The following CSMD1 variants were observed in gnomAD, a reference collection of about 807,000 sequenced individuals.
CSMD1 encodes the protein CUB and Sushi multiple domains 1, also known as CUB and sushi domain-containing protein 1.
Under a neutral mutation model 417.5 loss-of-function variants are expected in CSMD1, and 213 were observed. The observed-to-expected ratio is 0.51, with a 90% CI of 0.46 to 0.57. The LOEUF is 0.57. Among genes scored for constraint, CSMD1 ranks in the 20% least tolerant of loss-of-function variants. CSMD1 has a pLI of 0.00. For missense variants in CSMD1, 6,923 were observed against 4,529.7 expected, an observed-to-expected ratio of 1.53 and a Z score of -15.17; for synonymous variants, 2,862 against 1,736.8, an observed-to-expected ratio of 1.65 and a Z score of -16.11.
chr8:4,224,420 C>G (rs1474057772), intron 3 of CSMD1, among the ~76,000 whole-genome samples: 1 of 152,108 alleles, frequency 6.6e-6, no homozygotes, highest in African/African-American at 2.4e-5. Flanking sequence ...TTAAATACAC[C>G]TAGGAAATCT....
chr8:4,153,462 G>C (rs143930425), intron 3 of CSMD1, among the ~76,000 whole-genome samples: 1 of 152,186 alleles, frequency 6.6e-6, no homozygotes, highest in African/African-American at 2.4e-5. Context: ...AGTGGATAAG[G>C]TTCTGCAGCT....
chr8:4,384,079 G>A (rs1470737250), intron 3 of CSMD1, among the ~76,000 whole-genome samples: 1 of 152,056 alleles, frequency 6.6e-6, no homozygotes, highest in Non-Finnish European at 1.5e-5. Context: ...CGTCTCAGAT[G>A]GAATGGTGTT....
Position 4,456,791 on chromosome 8 carries a change from G to C in CSMD1, c.303-36726C>G, listed in dbSNP as rs936803494. On this transcript the variant is annotated intron_variant, in intron 2 of 69. Coordinates refer to ENST00000635120, the MANE Select transcript of CSMD1 (RefSeq NM_033225.6). ...ACCCATCTGACAACCTACGAGGTAA[G>C]CTGAAGAAGCTACCTGTGAAGGCTG... Among the ~76,000 whole-genome samples the C allele has an allele frequency of 3.3e-5, 5 of 152,150 alleles. No individual in the cohort carries two copies. In the East Asian group the frequency reaches 5.8e-4, roughly 18 times the overall value.
At chr8:3,454,041 G>C (rs1338816702) in intron 12 of CSMD1, among the ~76,000 whole-genome samples, 2 of 152,090 alleles carry the variant, frequency 1.3e-5, no homozygotes, top group Non-Finnish European at 1.5e-5. Flanking sequence ...TCTTCTTGTT[G>C]AATTGATCCC....
intron 23 of CSMD1, among the ~76,000 whole-genome samples, chr8:3,333,631 A>G (rs1807051002): frequency 6.6e-6 from 1 of 152,244 alleles, no homozygotes; most frequent in African/African-American, 2.4e-5. Context: ...TGAAATAAGT[A>G]AAAATCTGTG....
At chr8:4,965,351 A>G (rs1030760764) in intron 1 of CSMD1, among the ~76,000 whole-genome samples, 4 of 152,232 alleles carry the variant, frequency 2.6e-5, no homozygotes, top group Admixed American at 2.0e-4. Flanking sequence ...AAACCTGTTT[A>G]TTTAAAGCAG....
chr8:4,919,386 A>C (rs1020169061), intron 1 of CSMD1, among the ~76,000 whole-genome samples: 2 of 152,188 alleles, frequency 1.3e-5, no homozygotes, highest in African/African-American at 4.8e-5. Flanking sequence ...TAATCTAATA[A>C]ATTTTATTCA....
chr8:3,980,129 TG>T (rs77377331), intron 5 of CSMD1, among the ~76,000 whole-genome samples: 48,883 of 152,076 alleles, frequency 0.32, 8,552 homozygotes, highest in East Asian at 0.47. Context: ...GTTTTATCAT[TG>T]TATAGTGCTG....
At chr8:3,599,815 CA>C (rs1801276107) in intron 8 of CSMD1, among the ~76,000 whole-genome samples, 1 of 152,204 alleles carries the variant, frequency 6.6e-6, no homozygotes, top group Non-Finnish European at 1.5e-5. Context: ...TGTCTTTCAT[CA>C]AAATCTGCTG....
intron 2 of CSMD1, among the ~76,000 whole-genome samples, chr8:4,520,206 G>A (rs1803365139): frequency 6.6e-6 from 1 of 152,154 alleles, no homozygotes. Context: ...TATCGTGGCA[G>A]AAAGATTCTT....
intron 11 of CSMD1, among the ~76,000 whole-genome samples, chr8:3,478,939 G>A (rs1014681824): frequency 6.6e-5 from 10 of 151,934 alleles, no homozygotes; most frequent in East Asian, 1.9e-4. Flanking sequence ...TAGAGTGGGC[G>A]GAATAGGTGA....
Position 4,534,752 on chromosome 8 carries a change from A to ATTTC in CSMD1, c.302+102586_302+102589dup, listed in dbSNP as rs775785166. ...TGACCTCCAACTCCATCCACGTACAATTTCTTTCTTTCTTTCTTTCCTTTT... is the reference window on the plus strand; with the variant it reads ...TGACCTCCAACTCCATCCACGTACAATTTCTTTCTTTCTTTCTTTCTTTCCTTTT... On this transcript the variant is annotated intron_variant, in intron 2 of 69. Transcript: ENST00000635120. Among the ~76,000 whole-genome samples, 1,008 of 151,558 alleles carry ATTTC rather than the reference A, an allele frequency of 6.7e-3. 17 individuals are homozygous for ATTTC. The highest frequency in any genetic ancestry group is 0.023 in the African/African-American group (949 of 41,284).
chr8:3,983,014 C>T (rs896166553), intron 5 of CSMD1, among the ~76,000 whole-genome samples: 42 of 152,238 alleles, frequency 2.8e-4, no homozygotes, highest in African/African-American at 9.4e-4. Flanking sequence ...CCCAAGACAG[C>T]ACAGCGGGAT....
chr8:4,119,346 G>A lies in CSMD1; in HGVS notation c.416-87247C>T, dbSNP rs79960469. Among the ~76,000 whole-genome samples the A allele has an allele frequency of 3.7e-3, 560 of 152,212 alleles. 4 individuals carry two copies. Among genetic ancestry groups the A allele is most frequent in the African/African-American group, 0.013 (534 of 41,534 alleles). ...TCAAAGTTTGGTACATCCACAGCAG[G>A]GAATGCTAAGTGAACATTTTTTAAA... On this transcript the variant is annotated intron_variant, in intron 3 of 69. Transcript: ENST00000635120.
At chr8:3,954,242 G>A (rs1434463416) in intron 5 of CSMD1, among the ~76,000 whole-genome samples, 1 of 152,230 alleles carries the variant, frequency 6.6e-6, no homozygotes, top group Non-Finnish European at 1.5e-5. Flanking sequence ...GTCCAGAGCA[G>A]GAGTGGAAGT....
At chr8:4,396,380 T>C (rs139134796) in intron 3 of CSMD1, among the ~76,000 whole-genome samples, 4,585 of 151,682 alleles carry the variant, frequency 0.03, 214 homozygotes, top group African/African-American at 0.11. Flanking sequence ...GGCAGGAGGA[T>C]TGCTTGAGCC....
chr8:4,126,217 G>A (rs1802756048), intron 3 of CSMD1, among the ~76,000 whole-genome samples: 1 of 152,112 alleles, frequency 6.6e-6, no homozygotes, highest in Admixed American at 6.6e-5. Context: ...TGCTCTGGGA[G>A]ACTGATTTGA....
At chr8:3,551,265 T>G (rs551753856) in intron 10 of CSMD1, among the ~76,000 whole-genome samples, 1 of 152,318 alleles carries the variant, frequency 6.6e-6, no homozygotes, top group African/African-American at 2.4e-5. Context: ...TAATATCTTG[T>G]GGCATATTTT....
intron 5 of CSMD1, among the ~76,000 whole-genome samples, chr8:3,755,126 G>C (rs1175875965): frequency 6.6e-6 from 1 of 152,216 alleles, no homozygotes; most frequent in East Asian, 1.9e-4. Flanking sequence ...AGCATTCCAA[G>C]ATATTAAAGC....
Sources: gnomAD v4.1 joint callset for allele counts (sites outside exome capture counted in the v4.1 genomes callset) on GRCh38, gnomAD v4.1.1 for gene constraint, MANE v1.5 for transcripts, NCBI Gene and HGNC (gene_info 2026-07-23, HGNC 2026-07-21) for gene names.